PPP1R42: variants seen among roughly 807,000 people sequenced by gnomAD.
PPP1R42 encodes the protein protein phosphatase 1 regulatory subunit 42.
In PPP1R42, 34 loss-of-function variants were observed where a neutral mutation model predicts 31.0. The ratio of observed to expected loss-of-function variants is 1.10; its 90% CI spans 0.83 to 1.46. The LOEUF (loss-of-function observed/expected upper bound fraction) is 1.46, where lower values mean the gene tolerates loss of function less well. Ranked by LOEUF, PPP1R42 falls within the 40% of genes most tolerant of loss-of-function variation. The pLI is 0.00. For missense variants in PPP1R42, 268 were observed against 303.0 expected (o/e 0.88, Z 0.86); for synonymous variants, 103 against 109.8 (o/e 0.94, Z 0.39).
intron 3 of PPP1R42, among the ~76,000 whole-genome samples, chr8:67,013,473 T>G (rs984216035): frequency 2.0e-5 from 3 of 151,754 alleles, no homozygotes; most frequent in Non-Finnish European, 4.4e-5. Flanking sequence ...TCCCAGCACT[T>G]TGGGAGCCTG....
chr8:66,980,377 C>T (rs1585639837), intron 7 of PPP1R42, among the ~76,000 whole-genome samples: 2 of 152,180 alleles, frequency 1.3e-5, no homozygotes, highest in East Asian at 3.9e-4. Flanking sequence ...CAGGCACATG[C>T]CACCATGCCT....
intron 5 of PPP1R42, among the ~76,000 whole-genome samples, chr8:67,006,288 T>C (rs1384284617): frequency 1.3e-5 from 2 of 152,216 alleles, no homozygotes; most frequent in African/African-American, 4.8e-5. Context: ...CTCCTTTTTT[T>C]CTGTTATCTT....
intron 2 of PPP1R42, 57 bp from the exon 3 acceptor site, chr8:67,014,649 G>C: frequency 7.8e-7 from 1 of 1,274,130 alleles, no homozygotes; most frequent in Non-Finnish European, 1.1e-6. Context: ...TTAAAAGTTT[G>C]TTTTTAACAA....
chr8:67,025,957 A>G (rs1264223525), intron 1 of PPP1R42, among the ~76,000 whole-genome samples: 1 of 150,654 alleles, frequency 6.6e-6, no homozygotes, highest in East Asian at 2.0e-4. Context: ...GTGAGCCCAG[A>G]TCGCACCACT....
chr8:66,972,305 A>G (rs962945134), intron 7 of PPP1R42, among the ~76,000 whole-genome samples: 1 of 152,208 alleles, frequency 6.6e-6, no homozygotes. Context: ...AAGGAAGAAT[A>G]ACCAAGTACT....
intron 7 of PPP1R42, among the ~76,000 whole-genome samples, chr8:66,964,906 A>G (rs948392997): frequency 2.0e-5 from 3 of 152,260 alleles, no homozygotes; most frequent in East Asian, 1.9e-4. Context: ...TCATTCTCCA[A>G]AATTATCTTG....
At chr8:67,026,004 C>CA (rs534627312) in intron 1 of PPP1R42, among the ~76,000 whole-genome samples, 1,021 of 82,634 alleles carry the variant, frequency 0.012, 23 homozygotes, top group African/African-American at 0.038. Flanking sequence ...GACTCCGTCT[C>CA]AAAAAAAAAA....
At chr8:67,005,540 A>G (rs1192973572) in intron 5 of PPP1R42, among the ~76,000 whole-genome samples, 1 of 152,184 alleles carries the variant, frequency 6.6e-6, no homozygotes, top group Non-Finnish European at 1.5e-5. Context: ...TCAATATCCA[A>G]TAGGCATTTT....
intron 6 of PPP1R42, among the ~76,000 whole-genome samples, chr8:66,982,984 T>C (rs1346109013): frequency 3.3e-5 from 5 of 151,864 alleles, no homozygotes; most frequent in African/African-American, 4.8e-5. Context: ...GATCTCACTA[T>C]GTTGCCCAGG....
At chr8:66,974,011 G>A (rs773512561) in intron 7 of PPP1R42, among the ~76,000 whole-genome samples, 58 of 152,072 alleles carry the variant, frequency 3.8e-4, no homozygotes, top group Admixed American at 1.0e-3. Flanking sequence ...CCTTGTTTCC[G>A]CATCTTGACT....
intron 2 of PPP1R42, among the ~76,000 whole-genome samples, chr8:67,015,742 A>T (rs1192588591): frequency 1.3e-5 from 2 of 152,076 alleles, no homozygotes; most frequent in African/African-American, 4.8e-5. Context: ...CTTTTGAGAT[A>T]AAATAATTAA....
intron 7 of PPP1R42, among the ~76,000 whole-genome samples, chr8:66,972,923 T>G (rs1372296297): frequency 6.6e-6 from 1 of 152,216 alleles, no homozygotes; most frequent in African/African-American, 2.4e-5. Flanking sequence ...CCAGCTTCAT[T>G]TAGCCTGTGC....
At chr8:66,971,057 G>A (rs1477128857) in intron 7 of PPP1R42, 1 of 1,533,320 alleles carries the variant, frequency 6.5e-7, no homozygotes, top group Non-Finnish European at 8.7e-7. Flanking sequence ...GGGTATCTCT[G>A]TATTTCAGAG....
At chr8:66,978,251 A>G (rs1280847408) in intron 7 of PPP1R42, among the ~76,000 whole-genome samples, 2 of 152,136 alleles carry the variant, frequency 1.3e-5, no homozygotes, top group Non-Finnish European at 2.9e-5. Context: ...AAAAGGGGAA[A>G]CTGCTTATAA....
At chr8:66,986,994 CCTCTA>C (rs1490284325) in intron 6 of PPP1R42, among the ~76,000 whole-genome samples, 2 of 152,074 alleles carry the variant, frequency 1.3e-5, no homozygotes, top group African/African-American at 2.4e-5. Flanking sequence ...TGAAACCCCG[CCTCTA>C]CTCTAAAGGT....
Position 66,973,648 on chromosome 8 carries a change from AT to A in PPP1R42, c.802+8400del, listed in dbSNP as rs35610195. Among the ~76,000 whole-genome samples the A allele has an allele frequency of 4.6e-5, 7 of 151,940 alleles. 1 individual carries two copies. In the East Asian group the frequency reaches 1.2e-3, roughly 25 times the overall value. On this transcript the variant is annotated intron_variant, in intron 7 of 7. Coordinates refer to ENST00000685739, the MANE Select transcript of PPP1R42 (RefSeq NM_001364910.1). ...CAAAGTTTTAAATGTACAATACATT[AT>A]TTTTTTTACCTTAGGTACAATATCG...
At chr8:66,974,236 C>A (rs1814611464) in intron 7 of PPP1R42, among the ~76,000 whole-genome samples, 1 of 152,108 alleles carries the variant, frequency 6.6e-6, no homozygotes. Context: ...TCTTCACATC[C>A]TCTGTAACAC....
At chr8:66,980,730 C>T (rs2130922461) in intron 7 of PPP1R42, among the ~76,000 whole-genome samples, 1 of 152,262 alleles carries the variant, frequency 6.6e-6, no homozygotes, top group Non-Finnish European at 1.5e-5. Flanking sequence ...TCACTATGTC[C>T]TTATGCCTTC....
In PPP1R42 at chr8:66,978,906, G is replaced by T. The variant is rs118083035; in HGVS notation, c.802+3143C>A. 4.4e-3 allele frequency among the ~76,000 whole-genome samples: 666 copies of T among 151,486 alleles called. 3 individuals carry two copies. The highest frequency in any genetic ancestry group is 7.7e-3 in the Non-Finnish European group (523 of 67,984). The stretch of plus-strand genomic sequence containing the variant: ...AGATCCTTTGCCCATTTTAAAACTG[G>T]GTTGTTTTTTTGCTTTTGAGATGTT... On this transcript the variant is annotated intron_variant, in intron 7 of 7. Transcript: ENST00000685739.
Sources: allele counts gnomAD v4.1 joint callset (sites outside exome capture counted in the v4.1 genomes callset), GRCh38; gene constraint gnomAD v4.1.1; transcripts MANE v1.5; gene names NCBI Gene and HGNC (gene_info 2026-07-23, HGNC 2026-07-21).